MYCBP2: variants seen among roughly 807,000 people sequenced by gnomAD.
MYCBP2 encodes MYC binding protein 2.
MYCBP2 carries 120 observed loss-of-function variants against 525.3 expected under a neutral mutation model. That is an observed-to-expected ratio of 0.23 (90% CI 0.20 to 0.27). MYCBP2 has a LOEUF of 0.27. MYCBP2 is among the 10% of genes least tolerant of loss of function. The pLI is 1.00. For missense variants in MYCBP2, 4,149 were observed against 5,657.1 expected, an observed-to-expected ratio of 0.73 and a Z score of 8.55; for synonymous variants, 1,894 against 1,955.8, an observed-to-expected ratio of 0.97 and a Z score of 0.83.
At chr13:77,087,782 T>C (rs1594405289) in intron 61 of MYCBP2, 149 bp from the exon 62 acceptor site, 1 of 715,756 alleles carries the variant, frequency 1.4e-6, no homozygotes. Context: ...AGTTTTACTA[T>C]TTGTTTTTCT....
chr13:77,186,701 T>C (rs1302136861), intron 30 of MYCBP2, among the ~76,000 whole-genome samples: 1 of 152,070 alleles, frequency 6.6e-6, no homozygotes, highest in East Asian at 1.9e-4. Context: ...GGTTTTATCA[T>C]GGTTAAATGA....
intron 44 of MYCBP2, among the ~76,000 whole-genome samples, chr13:77,161,676 G>A (rs991991078): frequency 2.0e-5 from 3 of 152,078 alleles, no homozygotes; most frequent in Non-Finnish European, 2.9e-5. Context: ...TTTTTCTCCC[G>A]AAGGATTTTT....
chr13:77,139,358 AC>A (rs1423129996), intron 51 of MYCBP2, 22 bp from the exon 52 acceptor site: 9 of 1,604,632 alleles, frequency 5.6e-6, no homozygotes, highest in Non-Finnish European at 7.7e-6. Context: ...AGCAACAGAA[AC>A]AAGCCAGGCC....
intron 11 of MYCBP2, 37 bp downstream of exon 11, chr13:77,262,016 G>GA: frequency 6.6e-7 from 1 of 1,524,104 alleles, no homozygotes; most frequent in Non-Finnish European, 9.1e-7. Flanking sequence ...TCTTAAATCA[G>GA]AGAATGCTCA....
At chr13:77,090,537 A>G (rs2045223871) in intron 59 of MYCBP2, 1 of 232,674 alleles carries the variant, frequency 4.3e-6, no homozygotes, top group Non-Finnish European at 8.2e-6. Context: ...TCCTTTTAGA[A>G]TCAAAAGCAC....
At chr13:77,086,928 TTTC>T (rs1322453753) in intron 62 of MYCBP2, among the ~76,000 whole-genome samples, 1 of 152,122 alleles carries the variant, frequency 6.6e-6, no homozygotes, top group African/African-American at 2.4e-5. Flanking sequence ...CTTCTTACAA[TTTC>T]TTCTCATATT....
chr13:77,237,077 AC>A (rs922935251), intron 17 of MYCBP2, among the ~76,000 whole-genome samples: 22 of 152,162 alleles, frequency 1.4e-4, no homozygotes, highest in Non-Finnish European at 3.1e-4. Context: ...CTATACAAAC[AC>A]TAATATGTAG....
chr13:77,230,646 T>G lies in MYCBP2; in HGVS notation c.2737+2510A>C, dbSNP rs188051828. On this transcript the variant is annotated intron_variant, in intron 18 of 82. Coordinates refer to ENST00000544440, the MANE Select transcript of MYCBP2 (RefSeq NM_015057.5). ...ATTTTATGCAATATTTTAAATAATTTGGTGCATGAAAATTTGTATCCCTGC... is the reference window on the plus strand; with the variant it reads ...ATTTTATGCAATATTTTAAATAATTGGGTGCATGAAAATTTGTATCCCTGC... Among the ~76,000 whole-genome samples the G allele has an allele frequency of 5.3e-5, 8 of 152,364 alleles. No individual in the cohort carries two copies. The East Asian group carries it at 1.5e-3, about 29-fold the overall frequency.
intron 8 of MYCBP2, among the ~76,000 whole-genome samples, chr13:77,266,209 C>T (rs753992492): frequency 3.3e-5 from 5 of 152,022 alleles, no homozygotes; most frequent in South Asian, 2.1e-4. Context: ...TGTGTTATAG[C>T]GGATGGGATG....
intron 54 of MYCBP2, 72 bp downstream of exon 54, chr13:77,125,264 C>A (rs752725408): frequency 1.3e-6 from 2 of 1,512,378 alleles, no homozygotes; most frequent in Non-Finnish European, 8.9e-7. Flanking sequence ...AAAACAAAAG[C>A]AATACAATAG....
At position 77,243,965 on chromosome 13, in the gene MYCBP2, C is replaced by CAAAA. The variant is rs35429706; in HGVS notation, c.2382-18_2382-15dup. 75 of 1,191,790 alleles carry CAAAA rather than the reference C, an allele frequency of 6.3e-5. No individual in the cohort carries two copies. The highest frequency in any genetic ancestry group is 3.4e-4 in the South Asian group (12 of 35,262). 73.8% of individuals were successfully genotyped at this position (1,191,790 alleles called of 1,614,324 possible). On this transcript the variant is annotated splice_polypyrimidine_tract_variant and intron_variant, in intron 15 of 82. Coordinates refer to ENST00000544440, the MANE Select transcript of MYCBP2 (RefSeq NM_015057.5). ...CAACCACAGATCCTAGGGGGAAATA[C>CAAAA]AAAAAAAAAAAAAAAAGACAACTGA... is the stretch of plus-strand genomic sequence containing the variant.
chr13:77,294,109 T>TATATATATATATATATAC (rs1555465541), intron 2 of MYCBP2, among the ~76,000 whole-genome samples: 6 of 52,418 alleles, frequency 1.1e-4, no homozygotes, highest in Non-Finnish European at 2.6e-4. Flanking sequence ...AATGGCTATA[T>TATATATATATATATATAC]ATATATATAT....
chr13:77,117,187 A>T (rs1005908922), intron 55 of MYCBP2, among the ~76,000 whole-genome samples: 2 of 152,072 alleles, frequency 1.3e-5, no homozygotes, highest in East Asian at 3.9e-4. Context: ...TTTATCATAG[A>T]AGGAAAAAAC....
intron 79 of MYCBP2, among the ~76,000 whole-genome samples, chr13:77,055,968 T>C (rs1348740875): frequency 6.6e-6 from 1 of 152,190 alleles, no homozygotes; most frequent in African/African-American, 2.4e-5. Context: ...ATGGGGCAAA[T>C]GGGACACAGA....
chr13:77,070,741 AG>A (rs747030944), intron 68 of MYCBP2, 30 bp from the exon 69 acceptor site: 3 of 1,391,692 alleles, frequency 2.2e-6, no homozygotes, highest in Non-Finnish European at 3.0e-6. Flanking sequence ...AAAAAAAAAA[AG>A]AATGAAGTGG....
At chr13:77,264,059 A>T in intron 8 of MYCBP2, 57 bp from the exon 9 acceptor site, 1 of 1,414,582 alleles carries the variant, frequency 7.1e-7, no homozygotes, top group Non-Finnish European at 9.9e-7. Flanking sequence ...TGCAAAATGA[A>T]TTTACTCCTC....
intron 1 of MYCBP2, among the ~76,000 whole-genome samples, chr13:77,321,119 AG>A (rs2154382607): frequency 6.6e-6 from 1 of 152,372 alleles, no homozygotes; most frequent in African/African-American, 2.4e-5. Flanking sequence ...ACCCCTCCTC[AG>A]AAAACCTAAA....
At chr13:77,277,077 C>A (rs937845634) in intron 4 of MYCBP2, among the ~76,000 whole-genome samples, 1 of 151,834 alleles carries the variant, frequency 6.6e-6, no homozygotes, top group Non-Finnish European at 1.5e-5. Context: ...AGAATGGATA[C>A]AAAGGAAAGT....
chr13:77,149,427 T>C (rs1419208363), intron 47 of MYCBP2, among the ~76,000 whole-genome samples: 1 of 151,956 alleles, frequency 6.6e-6, no homozygotes, highest in East Asian at 1.9e-4. Flanking sequence ...GCTTCTGATG[T>C]AGAGAAGAGT....
Sources: allele counts gnomAD v4.1 joint callset (sites outside exome capture counted in the v4.1 genomes callset), GRCh38; gene constraint gnomAD v4.1.1; transcripts MANE v1.5; gene names NCBI Gene and HGNC (gene_info 2026-07-23, HGNC 2026-07-21).